The following UBE2QL1 variants were observed in gnomAD, a reference collection of about 807,000 sequenced individuals.
The protein encoded by UBE2QL1 is ubiquitin conjugating enzyme E2 QL1.
Under a neutral mutation model 12.6 loss-of-function variants are expected in UBE2QL1, and 5 were observed. The observed-to-expected ratio is 0.40, with a 90% CI of 0.21 to 0.83. The LOEUF (loss-of-function observed/expected upper bound fraction) is 0.83, where lower values mean the gene tolerates loss of function less well. Among genes scored for constraint, UBE2QL1 ranks in the 40% least tolerant of loss-of-function variants. The pLI is 0.37. For missense variants in UBE2QL1, 99 were observed against 222.6 expected (o/e 0.44, Z 3.53); for synonymous variants, 96 against 94.5 (o/e 1.02, Z -0.10).
intron 1 of UBE2QL1, among the ~76,000 whole-genome samples, chr5:6,482,590 C>G (rs74854567): frequency 0.02 from 3,060 of 150,706 alleles, 85 homozygotes; most frequent in African/African-American, 0.063. Context: ...ACAGTCCACT[C>G]TAGAGCACGG....
In UBE2QL1 at chr5:6,474,442, G is replaced by A. The variant is rs534297855; in HGVS notation, c.355-16776G>A. ...ATCACAGGGCTCCAACTCCAGTGCC[G>A]GGATGAGGCTTGGGTTGGTGAGGCA... On this transcript the variant is annotated intron_variant, in intron 1 of 1. Coordinates refer to ENST00000399816, the MANE Select transcript of UBE2QL1 (RefSeq NM_001145161.3). Among the ~76,000 whole-genome samples the A allele has an allele frequency of 9.2e-5, 14 of 152,250 alleles. No individual in the cohort carries two copies. The East Asian group carries it at 9.7e-4, about 11-fold the overall frequency.
At chr5:6,484,291 G>A (rs1734422552) in intron 1 of UBE2QL1, among the ~76,000 whole-genome samples, 1 of 152,206 alleles carries the variant, frequency 6.6e-6, no homozygotes, top group Admixed American at 6.5e-5. Context: ...TGGTTTCCTG[G>A]AGGAAGTCGC....
At chr5:6,485,225 T>C (rs1734439916) in intron 1 of UBE2QL1, among the ~76,000 whole-genome samples, 2 of 152,216 alleles carry the variant, frequency 1.3e-5, no homozygotes, top group African/African-American at 2.4e-5. Context: ...TGGATCCTTC[T>C]GTTTCCTGTC....
At chr5:6,450,635 A>T (rs1424547893) in intron 1 of UBE2QL1, among the ~76,000 whole-genome samples, 2 of 152,090 alleles carry the variant, frequency 1.3e-5, no homozygotes, top group Non-Finnish European at 2.9e-5. Context: ...CTTTCACACT[A>T]ATCAAATAAT....
intron 1 of UBE2QL1, among the ~76,000 whole-genome samples, chr5:6,468,324 G>T (rs578022902): frequency 2.0e-5 from 3 of 152,272 alleles, no homozygotes; most frequent in African/African-American, 7.2e-5. Context: ...CCTCCCTGGA[G>T]CTGGAGCAGG....
intron 1 of UBE2QL1, among the ~76,000 whole-genome samples, chr5:6,483,686 G>A (rs1734410118): frequency 6.6e-6 from 1 of 152,202 alleles, no homozygotes; most frequent in South Asian, 2.1e-4. Context: ...GTTTCCCAGT[G>A]CATTTTTTCT....
At chr5:6,450,450 G>C (rs546926000) in intron 1 of UBE2QL1, among the ~76,000 whole-genome samples, 3 of 152,292 alleles carry the variant, frequency 2.0e-5, no homozygotes, top group African/African-American at 7.2e-5. Flanking sequence ...GTGTTTTCCT[G>C]AATCAATATT....
In UBE2QL1 at chr5:6,492,454, T is replaced by C. The variant is rs554193264; in HGVS notation, c.*1105T>C. On this transcript the variant is annotated 3_prime_UTR_variant, in exon 2 of 2. Transcript: ENST00000399816. ...CCCCCACGGTTTCATTTTTCTCTTCTGTTAATACTTAGAACTTTCTAAGAA... is the reference window on the plus strand; with the variant it reads ...CCCCCACGGTTTCATTTTTCTCTTCCGTTAATACTTAGAACTTTCTAAGAA... 12 of 152,332 alleles carry C rather than the reference T, an allele frequency of 7.9e-5. No homozygotes were observed. Among genetic ancestry groups the C allele is most frequent in the Admixed American group, 2.6e-4 (4 of 15,302 alleles). 9.4% of individuals were successfully genotyped at this position (152,332 alleles called of 1,614,324 possible).
chr5:6,492,872 C>T lies in UBE2QL1; in HGVS notation c.*1523C>T, dbSNP rs559705922. 2.6e-5 allele frequency: 4 copies of T among 152,286 alleles called. No homozygotes were observed. The highest frequency in any genetic ancestry group is 3.4e-3 in the Middle Eastern group (1 of 294). 9.4% of individuals were successfully genotyped at this position (152,286 alleles called of 1,614,324 possible). On this transcript the variant is annotated 3_prime_UTR_variant, in exon 2 of 2. Transcript: ENST00000399816. ...CTGCTGTGAAGGAGGAAAAGTCTTC[C>T]GGGATAATGTATTCAATTCTTCAGG...
At chr5:6,480,454 C>T (rs1734336731) in intron 1 of UBE2QL1, among the ~76,000 whole-genome samples, 1 of 152,232 alleles carries the variant, frequency 6.6e-6, no homozygotes, top group Admixed American at 6.5e-5. Flanking sequence ...GTATCTGTCA[C>T]TTACCTGTCT....
At position 6,449,238 on chromosome 5, in the gene UBE2QL1, C is replaced by G; in HGVS notation, c.345C>G (p.Val115=). 1 of 1,439,602 alleles carries G rather than the reference C, an allele frequency of 6.9e-7. No homozygotes were observed. The highest frequency in any genetic ancestry group is 9.2e-7 in the Non-Finnish European group (1 of 1,092,554). 89.2% of individuals were successfully genotyped at this position (1,439,602 alleles called of 1,614,324 possible). ...AVMRQFAASL[V]KGQGRICRKA... ...TGCGCCAGTTCGCAGCCAGCCTGGTCAAGGGCCAGGTAAGGCGAGCGCGCC... is the reference window on the plus strand; with the variant it reads ...TGCGCCAGTTCGCAGCCAGCCTGGTGAAGGGCCAGGTAAGGCGAGCGCGCC... The change falls in exon 1 of 2, where the codon GTC becomes GTG. Residue 115 remains valine, a synonymous_variant. Transcript: ENST00000399816.
chr5:6,457,547 C>T (rs1395877025), intron 1 of UBE2QL1, among the ~76,000 whole-genome samples: 2 of 141,598 alleles, frequency 1.4e-5, no homozygotes, highest in Non-Finnish European at 3.0e-5. Context: ...CTTCATTTTG[C>T]CCCTTCTTGC....
chr5:6,483,570 G>A (rs1362655554), intron 1 of UBE2QL1, among the ~76,000 whole-genome samples: 4 of 152,222 alleles, frequency 2.6e-5, no homozygotes. Flanking sequence ...CGCATCACCT[G>A]CTGGGACTCT....
chr5:6,464,633 T>G (rs1164889174), intron 1 of UBE2QL1, among the ~76,000 whole-genome samples: 4 of 152,216 alleles, frequency 2.6e-5, no homozygotes, highest in Non-Finnish European at 4.4e-5. Context: ...GCCAGTAACA[T>G]GCTGGCAGCC....
chr5:6,460,921 C>T (rs272473), intron 1 of UBE2QL1, among the ~76,000 whole-genome samples: 30,155 of 152,036 alleles, frequency 0.2, 3,269 homozygotes, highest in East Asian at 0.46. Context: ...GGTGAAAAAC[C>T]GGTTCATAAA....
In UBE2QL1 at chr5:6,495,636, A is replaced by G. The variant is rs550832660; in HGVS notation, c.*4287A>G. 3.3e-5 allele frequency among the ~76,000 whole-genome samples: 5 copies of G among 152,304 alleles called. No individual in the cohort carries two copies. Among genetic ancestry groups the G allele is most frequent in the Admixed American group, 2.6e-4 (4 of 15,298 alleles). ...GCAAGTCTTCCAAGCCAGCTGAGAAACACCCACAGGATCCATTCTGTGCCC... is the reference window on the plus strand; with the variant it reads ...GCAAGTCTTCCAAGCCAGCTGAGAAGCACCCACAGGATCCATTCTGTGCCC... On this transcript the variant is annotated 3_prime_UTR_variant, in exon 2 of 2. Transcript: ENST00000399816.
chr5:6,453,483 C>T (rs182943892), intron 1 of UBE2QL1, among the ~76,000 whole-genome samples: 1 of 152,310 alleles, frequency 6.6e-6, no homozygotes, highest in Non-Finnish European at 1.5e-5. Context: ...TGAGTCTTAA[C>T]TGTTTGAATT....
At chr5:6,455,059 C>T (rs1739491418) in intron 1 of UBE2QL1, among the ~76,000 whole-genome samples, 1 of 152,168 alleles carries the variant, frequency 6.6e-6, no homozygotes. Flanking sequence ...TTTTACTTCA[C>T]CATGAGACTT....
At position 6,473,900 on chromosome 5, in the gene UBE2QL1, A is replaced by ATTAACTTT. The variant is rs376330929; in HGVS notation, c.355-17316_355-17309dup. ...TAAAATGTCACCAAATATACCTGGG[A>ATTAACTTT]TTAACTTTTCCATTACTAGGAAAAG... On this transcript the variant is annotated intron_variant, in intron 1 of 1. Transcript: ENST00000399816. 3.9e-3 allele frequency among the ~76,000 whole-genome samples: 600 copies of ATTAACTTT among 152,292 alleles called. 3 individuals carry two copies. The highest frequency in any genetic ancestry group is 0.014 in the African/African-American group (575 of 41,550).
Sources: allele counts gnomAD v4.1 joint callset (sites outside exome capture counted in the v4.1 genomes callset), GRCh38; gene constraint gnomAD v4.1.1; transcripts MANE v1.5; gene names NCBI Gene and HGNC (gene_info 2026-07-23, HGNC 2026-07-21).